Variants in FAT3 observed in about 807,000 individuals in gnomAD.
FAT3 encodes the protein FAT atypical cadherin 3.
In FAT3, 95 loss-of-function variants were observed where a neutral mutation model predicts 310.2. The observed-to-expected ratio is 0.31, with a 90% CI of 0.26 to 0.36. The LOEUF (loss-of-function observed/expected upper bound fraction) is 0.36. FAT3 is among the 10% of genes least tolerant of loss of function. The pLI, the probability that FAT3 is intolerant of heterozygous loss-of-function variation, is 1.00. For missense variants in FAT3, 5,408 were observed against 5,715.6 expected, an observed-to-expected ratio of 0.95 and a Z score of 1.74; for synonymous variants, 2,314 against 2,192.9, an observed-to-expected ratio of 1.06 and a Z score of -1.54.
chr11:92,472,531 T>C (rs1343000032), intron 2 of FAT3, among the ~76,000 whole-genome samples: 2 of 152,008 alleles, frequency 1.3e-5, no homozygotes, highest in African/African-American at 4.8e-5. Context: ...AAAAGAAAAA[T>C]AAAACTGCCT....
chr11:92,273,778 G>T (rs1480114154), intron 1 of FAT3, among the ~76,000 whole-genome samples: 2 of 152,072 alleles, frequency 1.3e-5, no homozygotes, highest in Non-Finnish European at 2.9e-5. Context: ...CTTGGATCCT[G>T]TTATTCTACG....
chr11:92,866,713 A>G (rs764121644), intron 21 of FAT3, 28 bp from the exon 22 acceptor site: 2 of 1,581,520 alleles, frequency 1.3e-6, no homozygotes, highest in Non-Finnish European at 1.7e-6. Context: ...CATGTTGAAA[A>G]GTGCTGCACT....
At chr11:92,549,624 A>G (rs1438951398) in intron 3 of FAT3, among the ~76,000 whole-genome samples, 1 of 152,180 alleles carries the variant, frequency 6.6e-6, no homozygotes, top group Non-Finnish European at 1.5e-5. Context: ...TCTTTGCCAA[A>G]CATACTTAGC....
At chr11:92,510,246 G>A (rs1953246687) in intron 2 of FAT3, among the ~76,000 whole-genome samples, 1 of 152,122 alleles carries the variant, frequency 6.6e-6, no homozygotes, top group African/African-American at 2.4e-5. Flanking sequence ...CACAAGCCAT[G>A]TCTCGACTTC....
intron 1 of FAT3, among the ~76,000 whole-genome samples, chr11:92,229,514 G>GTTTTTTTTTTTTTTTTTTTTTTTT (rs1241053262): frequency 5.1e-5 from 3 of 59,302 alleles, no homozygotes; most frequent in African/African-American, 1.8e-4. Context: ...TTTGTTTTTT[G>GTTTTTTTTTTTTTTTTTTTTTTTT]TTTTTTTTTA....
At chr11:92,459,959 A>G (rs898493974) in intron 2 of FAT3, among the ~76,000 whole-genome samples, 1 of 151,698 alleles carries the variant, frequency 6.6e-6, no homozygotes, top group Non-Finnish European at 1.5e-5. Flanking sequence ...TGTGTATGGC[A>G]CAAAAAAAAA....
chr11:92,601,094 G>T (rs1393165975), intron 3 of FAT3, among the ~76,000 whole-genome samples: 3 of 151,948 alleles, frequency 2.0e-5, no homozygotes, highest in Admixed American at 6.6e-5. Context: ...TATTATAAGA[G>T]CAACAAGAAG....
At chr11:92,888,200 A>G (rs534058555) in intron 25 of FAT3, among the ~76,000 whole-genome samples, 2 of 152,330 alleles carry the variant, frequency 1.3e-5, no homozygotes, top group South Asian at 2.1e-4. Flanking sequence ...CAGTGTATCT[A>G]TCTACTGGGA....
At chr11:92,602,318 G>T (rs570204529) in intron 3 of FAT3, among the ~76,000 whole-genome samples, 1 of 152,260 alleles carries the variant, frequency 6.6e-6, no homozygotes, top group South Asian at 2.1e-4. Flanking sequence ...GGCCAGGCTG[G>T]TCTTGAACTT....
intron 4 of FAT3, among the ~76,000 whole-genome samples, chr11:92,722,424 G>A (rs542120367): frequency 2.2e-4 from 34 of 152,318 alleles, no homozygotes; most frequent in African/African-American, 6.7e-4. Context: ...TGGCTTTGCA[G>A]GGTACAGCCT....
chr11:92,741,471 C>T (rs1347499081), intron 4 of FAT3, among the ~76,000 whole-genome samples: 2 of 152,186 alleles, frequency 1.3e-5, no homozygotes, highest in Non-Finnish European at 2.9e-5. Flanking sequence ...AGACCTGGGA[C>T]TAAACATGTG....
intron 8 of FAT3, 70 bp from the exon 9 acceptor site, chr11:92,792,697 C>A: frequency 6.8e-7 from 1 of 1,481,480 alleles, no homozygotes; most frequent in Non-Finnish European, 9.3e-7. Context: ...GTTTTCACCC[C>A]AAACATAGCC....
chr11:92,686,179 G>T (rs2135873828), intron 3 of FAT3, among the ~76,000 whole-genome samples: 1 of 152,292 alleles, frequency 6.6e-6, no homozygotes, highest in East Asian at 1.9e-4. Context: ...AAATGCCACT[G>T]ATTCAGACTC....
rs372015513 is a variant in FAT3 at position 92,817,022 on chromosome 11, G to A, written c.9481+6946G>A. On this transcript the variant is annotated intron_variant, in intron 13 of 27. Coordinates refer to ENST00000525166, the MANE Select transcript of FAT3 (RefSeq NM_001367949.2). ...AAAAAAGAAGTAAAAGGAAAGAGAG[G>A]CAGAAAGGGAAAATTGAAACACAAA... Among the ~76,000 whole-genome samples, 55 of 152,036 alleles carry A rather than the reference G, an allele frequency of 3.6e-4. No individual in the cohort carries two copies. In the South Asian group the frequency reaches 7.1e-3, roughly 20 times the overall value.
intron 3 of FAT3, among the ~76,000 whole-genome samples, chr11:92,637,933 G>C (rs1941827478): frequency 6.6e-6 from 1 of 152,180 alleles, no homozygotes. Context: ...GCCGCATGCT[G>C]TTTGGATATT....
chr11:92,741,528 T>C (rs1316660624), intron 4 of FAT3, among the ~76,000 whole-genome samples: 2 of 152,222 alleles, frequency 1.3e-5, no homozygotes, highest in Non-Finnish European at 2.9e-5. Context: ...TATAAATCTA[T>C]GTATAATAAA....
At chr11:92,553,749 TTCTC>T (rs1232816309) in intron 3 of FAT3, among the ~76,000 whole-genome samples, 2 of 136,862 alleles carry the variant, frequency 1.5e-5, no homozygotes, top group East Asian at 2.0e-4. Flanking sequence ...CTTTCTCCCT[TTCTC>T]TCTCTCTTTC....
chr11:92,870,072 C>T (rs1341750230), intron 22 of FAT3, among the ~76,000 whole-genome samples: 2 of 152,238 alleles, frequency 1.3e-5, no homozygotes, highest in Non-Finnish European at 2.9e-5. Flanking sequence ...CATATTTTAG[C>T]ATAAGCATCC....
intron 2 of FAT3, among the ~76,000 whole-genome samples, chr11:92,372,699 C>G (rs770713284): frequency 2.6e-5 from 4 of 151,874 alleles, no homozygotes; most frequent in Non-Finnish European, 4.4e-5. Context: ...CTCACTCTGT[C>G]ACCCAGGCTG....
Sources: allele counts gnomAD v4.1 joint callset (sites outside exome capture counted in the v4.1 genomes callset), GRCh38; gene constraint gnomAD v4.1.1; transcripts MANE v1.5; gene names NCBI Gene and HGNC (gene_info 2026-07-23, HGNC 2026-07-21).